PUDP: variants seen among roughly 807,000 people sequenced by gnomAD.
The protein encoded by PUDP is pseudouridine 5'-phosphatase, also known as pseudouridine-5'-phosphatase.
In PUDP, 8 loss-of-function variants were observed where a neutral mutation model predicts 9.4. The observed-to-expected ratio is 0.85, with a 90% CI of 0.50 to 1.53. PUDP has a LOEUF of 1.53. PUDP is among the 40% of genes most tolerant of loss of function. PUDP has a pLI of 0.00. For synonymous variants in PUDP, 99 were observed against 80.7 expected (o/e 1.23, Z -1.22); for missense variants, 188 against 189.7 (o/e 0.99, Z 0.05).
At chrX:6,751,016 C>A (rs765245197) in intron 3 of PUDP, among the ~76,000 whole-genome samples, 5 of 109,862 alleles carry the variant, frequency 4.6e-5, no homozygotes, top group Non-Finnish European at 7.6e-5. Flanking sequence ...GTGGTGGGCG[C>A]CTGTAGTCCC....
intron 1 of PUDP, among the ~76,000 whole-genome samples, chrX:7,120,103 C>T (rs1234657735): frequency 1.1e-5 from 1 of 93,691 alleles, no homozygotes; most frequent in African/African-American, 4.1e-5. Flanking sequence ...ATCCAGAATA[C>T]GTAAGGAACT....
chrX:7,076,976 T>C (rs1930925796), intron 3 of PUDP, among the ~76,000 whole-genome samples: 1 of 111,972 alleles, frequency 8.9e-6, no homozygotes, highest in Non-Finnish European at 1.9e-5. Flanking sequence ...TCTCAGATTG[T>C]CCCTGAGACC....
chrX:7,012,852 C>A (rs1321553198), intron 1 of PUDP, among the ~76,000 whole-genome samples: 1 of 110,699 alleles, frequency 9.0e-6, no homozygotes, highest in Non-Finnish European at 1.9e-5. Context: ...ATCTCAAAGG[C>A]ATTTTCTTCT....
chrX:6,740,986 C>G (rs1201323890), intron 3 of PUDP, among the ~76,000 whole-genome samples: 1 of 110,794 alleles, frequency 9.0e-6, no homozygotes, highest in East Asian at 2.8e-4. Context: ...TGGTGAAACC[C>G]CATCTCTACT....
intron 3 of PUDP, among the ~76,000 whole-genome samples, chrX:6,799,087 T>C (rs1279871130): frequency 8.9e-6 from 1 of 112,853 alleles, no homozygotes; most frequent in African/African-American, 3.2e-5. Flanking sequence ...GCTTAGCCCA[T>C]GTAATCTCTT....
At chrX:6,860,192 G>A (rs2056430607) in intron 3 of PUDP, among the ~76,000 whole-genome samples, 1 of 111,431 alleles carries the variant, frequency 9.0e-6, no homozygotes, top group Non-Finnish European at 1.9e-5. Flanking sequence ...ATGTTGCCCA[G>A]GCTGATCTCA....
intron 2 of PUDP, among the ~76,000 whole-genome samples, chrX:7,087,483 T>C (rs1931299068): frequency 8.9e-6 from 1 of 111,756 alleles, no homozygotes; most frequent in African/African-American, 3.3e-5. Context: ...AGTTTGTTAA[T>C]TAACACAGCA....
At chrX:7,046,519 A>G (rs1282001945), downstream of PUDP, among the ~76,000 whole-genome samples, 1 of 110,732 alleles carries the variant, frequency 9.0e-6, no homozygotes, top group East Asian at 2.8e-4. Context: ...TTCATTTCTG[A>G]CTTTTAAATG....
intron 1 of PUDP, among the ~76,000 whole-genome samples, chrX:7,138,458 C>T (rs774139470): frequency 1.1e-4 from 12 of 109,610 alleles, no homozygotes; most frequent in South Asian, 8.0e-4. Flanking sequence ...CTACAACCTC[C>T]GCCTCCCAGG....
At chrX:6,911,169 A>C (rs1927843488) in intron 3 of PUDP, among the ~76,000 whole-genome samples, 1 of 109,695 alleles carries the variant, frequency 9.1e-6, no homozygotes. Context: ...ATATATATTT[A>C]CTTTCTGATT....
At chrX:6,934,342 A>G (rs1311175409) in intron 3 of PUDP, among the ~76,000 whole-genome samples, 8 of 105,652 alleles carry the variant, frequency 7.6e-5, no homozygotes, top group Admixed American at 1.0e-4. Flanking sequence ...ATTCTTAAAG[A>G]AAAGAATTTT....
chrX:6,971,709 C>CCACT, intron 3 of PUDP, among the ~76,000 whole-genome samples: 1 of 111,325 alleles, frequency 9.0e-6, no homozygotes, highest in South Asian at 3.8e-4. Context: ...CAGGCGTGAG[C>CCACT]CACTGCGCCT....
intron 3 of PUDP, among the ~76,000 whole-genome samples, chrX:6,787,958 A>G (rs1258418089): frequency 8.9e-6 from 1 of 112,308 alleles, no homozygotes; most frequent in Non-Finnish European, 1.9e-5. Flanking sequence ...TAATTAATAT[A>G]TAACCTCAAA....
At chrX:6,986,477 T>C (rs1448627927) in intron 1 of PUDP, among the ~76,000 whole-genome samples, 3 of 110,970 alleles carry the variant, frequency 2.7e-5, no homozygotes, top group Non-Finnish European at 5.7e-5. Flanking sequence ...TTCATTACAG[T>C]GAAAAACCAC....
At position 6,886,541 on chromosome X, in the gene PUDP, T is replaced by A. The variant is rs760188637; in HGVS notation, c.*247+90592A>T. ...CTCTAAGTAAAGTTTATCTCTTTAT[T>A]TTTGGATGGACAGGATTTGGATTCT... On this transcript the variant is annotated intron_variant and NMD_transcript_variant, in intron 3 of 3. Transcript: ENST00000655425. 4.5e-5 allele frequency among the ~76,000 whole-genome samples: 5 copies of A among 111,889 alleles called. 1 individual carries two copies. Among genetic ancestry groups the A allele is most frequent in the Admixed American group, 2.9e-4 (3 of 10,501 alleles).
intron 2 of PUDP, among the ~76,000 whole-genome samples, chrX:7,088,424 C>T (rs1356210443): frequency 9.0e-6 from 1 of 111,516 alleles, no homozygotes; most frequent in Non-Finnish European, 1.9e-5. Context: ...AGAAAAGCCT[C>T]TCCACCTGAT....
chrX:6,915,036 A>T (rs1353487898), intron 3 of PUDP, among the ~76,000 whole-genome samples: 1 of 112,340 alleles, frequency 8.9e-6, no homozygotes, highest in East Asian at 2.8e-4. Flanking sequence ...TCACATTTTT[A>T]AAAAATGTCA....
At chrX:6,942,017 C>T (rs990834423) in intron 3 of PUDP, among the ~76,000 whole-genome samples, 1 of 111,138 alleles carries the variant, frequency 9.0e-6, no homozygotes, top group Non-Finnish European at 1.9e-5. Context: ...CACATGGGCA[C>T]AGAATGTGGA....
At chrX:6,992,779 G>A (rs1371285266) in intron 1 of PUDP, among the ~76,000 whole-genome samples, 1 of 111,689 alleles carries the variant, frequency 9.0e-6, no homozygotes, top group African/African-American at 3.3e-5. Context: ...GTGTTGCCAA[G>A]GAGATTAACA....
Sources: allele counts gnomAD v4.1 joint callset (sites outside exome capture counted in the v4.1 genomes callset), GRCh38; gene constraint gnomAD v4.1.1; transcripts MANE v1.5; gene names NCBI Gene and HGNC (gene_info 2026-07-23, HGNC 2026-07-21).